The following ZCCHC17 variants were observed in gnomAD, a reference collection of about 807,000 sequenced individuals.
ZCCHC17 encodes zinc finger CCHC domain-containing protein 17.
Under a neutral mutation model 30.6 loss-of-function variants are expected in ZCCHC17, and 18 were observed. The observed-to-expected ratio is 0.59, with a 90% confidence interval of 0.41 to 0.87. The LOEUF is 0.87. ZCCHC17 is among the 40% of genes least tolerant of loss of function. The pLI is 0.00. For missense variants in ZCCHC17, 263 were observed against 284.2 expected, an observed-to-expected ratio of 0.93 and a Z score of 0.54; for synonymous variants, 88 against 92.4, an observed-to-expected ratio of 0.95 and a Z score of 0.27.
intron 3 of ZCCHC17, among the ~76,000 whole-genome samples, chr1:31,335,112 C>T (rs926153107): frequency 6.6e-6 from 1 of 152,198 alleles, no homozygotes; most frequent in Non-Finnish European, 1.5e-5. Context: ...TCCTCTATTG[C>T]TGGGACTTCA....
Position 31,349,216 on chromosome 1 carries a change from TA to T in ZCCHC17, c.564+252del, listed in dbSNP as rs965040356. Among the ~76,000 whole-genome samples the T allele has an allele frequency of 6.2e-3, 920 of 147,204 alleles. 3 individuals carry two copies. Among genetic ancestry groups the T allele is most frequent in the Non-Finnish European group, 0.01 (695 of 66,502 alleles). On this transcript the variant is annotated intron_variant, in intron 7 of 7. Transcript: ENST00000344147. ...ATCTCTAAAAAGAAATTTTTTTTGTTAAAAAAAAAAGAAAAATGAAAATGTG... is the reference window on the plus strand; with the variant it reads ...ATCTCTAAAAAGAAATTTTTTTTGTTAAAAAAAAAGAAAAATGAAAATGTG...
chr1:31,329,713 G>A (rs1261374885), intron 3 of ZCCHC17, among the ~76,000 whole-genome samples: 1 of 152,178 alleles, frequency 6.6e-6, no homozygotes, highest in East Asian at 1.9e-4. Context: ...TTGAGGTATA[G>A]TGGGTGGGTG....
At chr1:31,343,516 A>C (rs1366211467) in intron 5 of ZCCHC17, among the ~76,000 whole-genome samples, 1 of 152,166 alleles carries the variant, frequency 6.6e-6, no homozygotes, top group Non-Finnish European at 1.5e-5. Context: ...TTTCCATAAA[A>C]ATCTAACTCT....
In ZCCHC17 at chr1:31,350,855, G is replaced by T. The variant is rs559008269; in HGVS notation, c.564+1881G>T. ...GACCTCAAGTGATCCGCCTGCCTTCGCCTCCCAAAGTGTTGGGATTACAGG... is the reference window on the plus strand; with the variant it reads ...GACCTCAAGTGATCCGCCTGCCTTCTCCTCCCAAAGTGTTGGGATTACAGG... On this transcript the variant is annotated intron_variant, in intron 7 of 7. Coordinates refer to ENST00000344147, the MANE Select transcript of ZCCHC17 (RefSeq NM_016505.4). Among the ~76,000 whole-genome samples, 4 of 152,220 alleles carry T rather than the reference G, an allele frequency of 2.6e-5. No homozygotes were observed. In the East Asian group the frequency reaches 7.7e-4, roughly 29 times the overall value.
At position 31,310,081 on chromosome 1, in the gene ZCCHC17, A is replaced by C. The variant is rs1232002191; in HGVS notation, c.-18A>C. 4.3e-6 allele frequency: 7 copies of C among 1,613,080 alleles called. No homozygotes were observed. The highest frequency in any genetic ancestry group is 5.9e-6 in the Non-Finnish European group (7 of 1,179,584). On this transcript the variant is annotated 5_prime_UTR_variant, in exon 2 of 8. Coordinates refer to ENST00000344147, the MANE Select transcript of ZCCHC17 (RefSeq NM_016505.4). ...AGCTTTAATAGAAGAGAAATGGAGG[A>C]GCCATAGAATATTAAGGATGAATTC...
At chr1:31,319,006 G>GCATTTTT (rs775341072) in intron 2 of ZCCHC17, 103 bp from the exon 3 acceptor site, 50 of 1,349,376 alleles carry the variant, frequency 3.7e-5, no homozygotes, top group Non-Finnish European at 4.9e-5. Flanking sequence ...ATAGCATACA[G>GCATTTTT]AGGCAGTCAA....
At chr1:31,359,466 C>T (rs12755701) in intron 7 of ZCCHC17, among the ~76,000 whole-genome samples, 19,928 of 152,050 alleles carry the variant, frequency 0.13, 1,449 homozygotes, top group Non-Finnish European at 0.15. Flanking sequence ...CCAGATGCTC[C>T]AGTGAGCCGA....
intron 1 of ZCCHC17, among the ~76,000 whole-genome samples, chr1:31,308,885 T>A (rs1298257020): frequency 2.0e-5 from 3 of 152,204 alleles, no homozygotes; most frequent in Non-Finnish European, 4.4e-5. Context: ...CAACAATGGA[T>A]TATTAGGTAC....
At chr1:31,306,318 A>T (rs1646454491) in intron 1 of ZCCHC17, among the ~76,000 whole-genome samples, 1 of 152,136 alleles carries the variant, frequency 6.6e-6, no homozygotes, top group Admixed American at 6.5e-5. Flanking sequence ...TAAAGAAAGG[A>T]TTATTTGAAC....
intron 5 of ZCCHC17, among the ~76,000 whole-genome samples, chr1:31,342,434 C>T (rs982374949): frequency 2.0e-5 from 3 of 152,178 alleles, no homozygotes; most frequent in Non-Finnish European, 4.4e-5. Context: ...CAGTTGTCCC[C>T]GACCTTTTTG....
chr1:31,310,577 ATC>A (rs1423091309), intron 2 of ZCCHC17, among the ~76,000 whole-genome samples: 1 of 152,074 alleles, frequency 6.6e-6, no homozygotes, highest in African/African-American at 2.4e-5. Context: ...TGTGAGTTTG[ATC>A]TCTTTCTCTC....
chr1:31,318,234 T>C (rs1298000348), intron 2 of ZCCHC17: 1 of 1,532,864 alleles, frequency 6.5e-7, no homozygotes, highest in African/African-American at 1.4e-5. Flanking sequence ...GAATAAAGTT[T>C]ATGTATGTAA....
At chr1:31,311,545 TC>T (rs1256356116) in intron 2 of ZCCHC17, among the ~76,000 whole-genome samples, 1 of 152,180 alleles carries the variant, frequency 6.6e-6, no homozygotes, top group Non-Finnish European at 1.5e-5. Flanking sequence ...GGCTGGGAAA[TC>T]TAAGATCAAG....
intron 7 of ZCCHC17, among the ~76,000 whole-genome samples, chr1:31,357,847 C>T (rs1393470865): frequency 6.6e-6 from 1 of 151,854 alleles, no homozygotes; most frequent in Non-Finnish European, 1.5e-5. Context: ...CCTCTGCCTC[C>T]TGGGTTCAAG....
chr1:31,301,403 C>A (rs1355705726), intron 1 of ZCCHC17, among the ~76,000 whole-genome samples: 1 of 152,114 alleles, frequency 6.6e-6, no homozygotes, highest in East Asian at 1.9e-4. Flanking sequence ...TCTCTTGTGT[C>A]CTCATTTTTA....
chr1:31,320,459 A>G lies in ZCCHC17; in HGVS notation c.124+1293A>G, dbSNP rs141364121. On this transcript the variant is annotated intron_variant, in intron 3 of 7. Transcript: ENST00000344147. Reference sequence around the variant, plus strand: ...CACCCCAAAAAGAAACCCTGTACCTATTAGCCATCACTCCAGATTCTCTCT... The same window carrying G: ...CACCCCAAAAAGAAACCCTGTACCTGTTAGCCATCACTCCAGATTCTCTCT... 9.7e-3 allele frequency among the ~76,000 whole-genome samples: 1,476 copies of G among 152,306 alleles called. 29 individuals are homozygous for G. Among genetic ancestry groups the G allele is most frequent in the African/African-American group, 0.032 (1,338 of 41,558 alleles).
At chr1:31,312,778 A>G (rs1646635819) in intron 2 of ZCCHC17, among the ~76,000 whole-genome samples, 1 of 152,158 alleles carries the variant, frequency 6.6e-6, no homozygotes, top group Non-Finnish European at 1.5e-5. Context: ...CATTTGTTTG[A>G]GACAGAGTTT....
intron 5 of ZCCHC17, among the ~76,000 whole-genome samples, chr1:31,341,651 T>C (rs897764061): frequency 2.6e-4 from 39 of 152,344 alleles, no homozygotes; most frequent in African/African-American, 9.4e-4. Context: ...GATTTAGAGC[T>C]AGACTTGAAT....
At chr1:31,319,563 T>C (rs1646813716) in intron 3 of ZCCHC17, among the ~76,000 whole-genome samples, 1 of 152,270 alleles carries the variant, frequency 6.6e-6, no homozygotes, top group Admixed American at 6.5e-5. Context: ...TACAAACATA[T>C]ATAATATATA....
Sources: gnomAD v4.1 joint callset for allele counts (sites outside exome capture counted in the v4.1 genomes callset) on GRCh38, gnomAD v4.1.1 for gene constraint, MANE v1.5 for transcripts, NCBI Gene and HGNC (gene_info 2026-07-23, HGNC 2026-07-21) for gene names.